The following LYRM4 variants were observed in gnomAD, a reference collection of about 807,000 sequenced individuals.
The protein encoded by LYRM4 is LYR motif containing 4.
A neutral mutation model predicts 11.7 loss-of-function variants in LYRM4; 9 were observed. That is an observed-to-expected ratio of 0.77 (90% CI 0.46 to 1.34). The LOEUF (loss-of-function observed/expected upper bound fraction) is 1.34, where lower values mean the gene tolerates loss of function less well. Ranked by LOEUF, LYRM4 falls within the 40% of genes most tolerant of loss-of-function variation. The pLI is 0.00. For missense variants in LYRM4, 133 were observed against 112.5 expected, an observed-to-expected ratio of 1.18 and a Z score of -0.82; for synonymous variants, 42 against 40.4, an observed-to-expected ratio of 1.04 and a Z score of -0.15.
intron 2 of LYRM4, among the ~76,000 whole-genome samples, chr6:5,130,226 C>G (rs542366326): frequency 2.3e-4 from 35 of 152,160 alleles, no homozygotes; most frequent in Non-Finnish European, 4.1e-4. Flanking sequence ...AGCTTTCCTC[C>G]TGGTGGACCA....
At chr6:5,073,504 A>G in the LYRM4 span, among the ~76,000 whole-genome samples, 12 of 148,180 alleles carry the variant, frequency 8.1e-5, no homozygotes, top group East Asian at 1.9e-3. Context: ...ATCTCTATAT[A>G]TATCTCTCTA....
At position 5,108,419 on chromosome 6, in the gene LYRM4, T is replaced by TA. The variant is rs149521918; in HGVS notation, c.*1003dup. 0.031 allele frequency: 30,011 copies of TA among 974,260 alleles called. 525 individuals are homozygous for TA. Among genetic ancestry groups the TA allele is most frequent in the Non-Finnish European group, 0.035 (28,504 of 819,574 alleles). 60.4% of individuals were successfully genotyped at this position (974,260 alleles called of 1,614,324 possible). A position where few individuals can be genotyped will look rare whatever the true frequency, so the allele number is the denominator to read the frequency against. On this transcript the variant is annotated 3_prime_UTR_variant, in exon 3 of 3. Coordinates refer to ENST00000330636, the MANE Select transcript of LYRM4 (RefSeq NM_020408.6). ...TTTGGAATGAATCTGTTTCCAAGAA[T>TA]AAAAGCATACAAACAATATCTTTAT...
At chr6:5,147,801 C>T (rs1210114109) in intron 2 of LYRM4, among the ~76,000 whole-genome samples, 1 of 151,962 alleles carries the variant, frequency 6.6e-6, no homozygotes, top group Non-Finnish European at 1.5e-5. Flanking sequence ...GCCCTTCTGT[C>T]TCATCGCTCC....
At chr6:5,132,873 A>G (rs1764018604) in intron 2 of LYRM4, 1 of 152,260 alleles carries the variant, frequency 6.6e-6, no homozygotes, top group Non-Finnish European at 1.5e-5. Flanking sequence ...CTGCAGAGCC[A>G]GCAGCAGCTG....
intron 2 of LYRM4, among the ~76,000 whole-genome samples, chr6:5,115,624 G>A (rs779815071): frequency 1.7e-4 from 26 of 152,130 alleles, no homozygotes; most frequent in Non-Finnish European, 2.8e-4. Flanking sequence ...TCAGCCCCAT[G>A]GAAAAGACCC....
At chr6:5,133,444 GACAC>G (rs1764048108) in intron 2 of LYRM4, among the ~76,000 whole-genome samples, 7 of 152,182 alleles carry the variant, frequency 4.6e-5, no homozygotes, top group Admixed American at 4.6e-4. Flanking sequence ...AGGCTCCAAA[GACAC>G]GATCCTGACC....
At chr6:5,086,308 C>T in the LYRM4 span, 2 of 1,535,702 alleles carry the variant, frequency 1.3e-6, no homozygotes, top group African/African-American at 1.4e-5. Flanking sequence ...GCTGGAGCCA[C>T]AGCAGCCAGA....
intron 2 of LYRM4, among the ~76,000 whole-genome samples, chr6:5,140,973 C>T (rs1367408393): frequency 6.6e-6 from 1 of 152,222 alleles, no homozygotes; most frequent in Non-Finnish European, 1.5e-5. Flanking sequence ...CATTGTTTCT[C>T]TCTGTAGAAA....
At chr6:5,185,320 G>A (rs754178271) in intron 2 of LYRM4, among the ~76,000 whole-genome samples, 1 of 152,208 alleles carries the variant, frequency 6.6e-6, no homozygotes, top group African/African-American at 2.4e-5. Context: ...CTAAGCCAGT[G>A]GAAAGAGCAC....
chr6:5,245,885 T>C (rs13212749), intron 1 of LYRM4, among the ~76,000 whole-genome samples: 6,709 of 151,990 alleles, frequency 0.044, 488 homozygotes, highest in African/African-American at 0.15. Context: ...GCTGAGAAAA[T>C]GCCAGAGTGA....
intron 2 of LYRM4, chr6:5,148,325 T>A (rs775588093): frequency 6.5e-6 from 1 of 154,918 alleles, no homozygotes; most frequent in Non-Finnish European, 1.5e-5. Context: ...TGCCTCAATA[T>A]TCACTGAAAC....
intron 1 of LYRM4, chr6:5,218,537 T>C (rs1762408636): frequency 4.6e-6 from 1 of 219,298 alleles, no homozygotes; most frequent in Non-Finnish European, 7.7e-6. Context: ...ATACTAGGAA[T>C]CATAAAGGAG....
the LYRM4 span, among the ~76,000 whole-genome samples, chr6:5,090,958 A>G: frequency 6.6e-6 from 1 of 152,140 alleles, no homozygotes; most frequent in East Asian, 1.9e-4. The surrounding 1 kb of genome is among the most constrained non-coding windows in gnomAD (Gnocchi z 4.8). Context: ...CAGGAGTGTA[A>G]GGAACAGCCC....
chr6:5,142,608 A>G (rs6597115), intron 2 of LYRM4, among the ~76,000 whole-genome samples: 31,144 of 152,100 alleles, frequency 0.2, 3,721 homozygotes, highest in African/African-American at 0.32. Flanking sequence ...CCATTGCTAG[A>G]TTTCTTGATT....
intron 1 of LYRM4, among the ~76,000 whole-genome samples, chr6:5,243,796 C>A (rs542061194): frequency 3.8e-4 from 58 of 152,008 alleles, no homozygotes; most frequent in Non-Finnish European, 7.1e-4. Context: ...TTCTTCTGGC[C>A]TTTGAAAATC....
chr6:5,067,778 G>A, the LYRM4 span, among the ~76,000 whole-genome samples: 121 of 152,264 alleles, frequency 7.9e-4, no homozygotes, highest in African/African-American at 2.6e-3. Context: ...TAAGCGTTAC[G>A]ATACACACAA....
intron 2 of LYRM4, among the ~76,000 whole-genome samples, chr6:5,173,940 G>A (rs946396322): frequency 6.6e-6 from 1 of 152,186 alleles, no homozygotes; most frequent in Non-Finnish European, 1.5e-5. Context: ...AAAGATCTGT[G>A]AAGTGACACT....
chr6:5,119,977 CTCTGCCTCCTGGGTTCAAGCGATTCT>C (rs1274078439), intron 2 of LYRM4, among the ~76,000 whole-genome samples: 1 of 151,844 alleles, frequency 6.6e-6, no homozygotes, highest in East Asian at 2.0e-4. Context: ...TCACTGCAAC[CTCTGCCTCCTGGGTTCAAGCGATTCT>C]TCTGCCTCAG....
chr6:5,053,528 G>A, the LYRM4 span, among the ~76,000 whole-genome samples: 2 of 152,068 alleles, frequency 1.3e-5, no homozygotes, highest in African/African-American at 4.8e-5. Flanking sequence ...TTGGGAGGCT[G>A]AGGCAGGAGG....
Sources: gnomAD v4.1 joint callset for allele counts (sites outside exome capture counted in the v4.1 genomes callset) on GRCh38, gnomAD v4.1.1 for gene constraint, Gnocchi (gnomAD v3.1) non-coding constraint, MANE v1.5 for transcripts, NCBI Gene and HGNC (gene_info 2026-07-23, HGNC 2026-07-21) for gene names.